The following RP1 variants were observed in gnomAD, a reference collection of about 807,000 sequenced individuals.
RP1 encodes the protein RP1 axonemal microtubule associated, also known as oxygen-regulated protein 1.
In RP1, 16 loss-of-function variants were observed where a neutral mutation model predicts 14.8. That is an observed-to-expected ratio of 1.08 (90% CI 0.73 to 1.65). The LOEUF is 1.65. Ranked by LOEUF, RP1 falls within the 40% of genes most tolerant of loss-of-function variation. The pLI, the probability that RP1 is intolerant of heterozygous loss-of-function variation, is 0.00. For synonymous variants in RP1, 876 were observed against 883.6 expected, an observed-to-expected ratio of 0.99 and a Z score of 0.15; for missense variants, 2,631 against 2,535.0, an observed-to-expected ratio of 1.04 and a Z score of -0.81.
At chr8:54,751,657 C>T (rs1457884761) in intron 19 of RP1, among the ~76,000 whole-genome samples, 1 of 152,192 alleles carries the variant, frequency 6.6e-6, no homozygotes, top group Non-Finnish European at 1.5e-5. Context: ...ATGTTTGTTT[C>T]ACTTGCCACA....
intron 14 of RP1, among the ~76,000 whole-genome samples, chr8:54,703,630 C>T (rs1033989256): frequency 6.6e-6 from 1 of 152,170 alleles, no homozygotes; most frequent in Non-Finnish European, 1.5e-5. Flanking sequence ...ACAAGAGAGT[C>T]AACTTATCCT....
At chr8:54,672,690 C>G (rs446153) in intron 7 of RP1, among the ~76,000 whole-genome samples, 33,503 of 151,956 alleles carry the variant, frequency 0.22, 4,271 homozygotes, top group East Asian at 0.42. Flanking sequence ...AATGTAGAAG[C>G]CAAATACATT....
chr8:54,870,322 T>C (rs1308205033), exon 29 of RP1: 1 of 163,548 alleles, frequency 6.1e-6, no homozygotes. Flanking sequence ...TAAGTATTCT[T>C]TGTAGAAAAT....
At chr8:54,639,408 C>A (rs1461657847) in intron 3 of RP1, among the ~76,000 whole-genome samples, 2 of 152,108 alleles carry the variant, frequency 1.3e-5, no homozygotes, top group African/African-American at 4.8e-5. Context: ...GCAGGACATA[C>A]TTTTTTATCT....
chr8:54,571,999 A>G (rs1043519295), intron 1 of RP1, among the ~76,000 whole-genome samples: 1 of 152,222 alleles, frequency 6.6e-6, no homozygotes, highest in Non-Finnish European at 1.5e-5. Flanking sequence ...ACTGGGGGGA[A>G]GGACTTCAAT....
intron 1 of RP1, among the ~76,000 whole-genome samples, chr8:54,600,408 T>C (rs1805247931): frequency 6.6e-6 from 1 of 152,188 alleles, no homozygotes; most frequent in Non-Finnish European, 1.5e-5. Context: ...AATACAGGCT[T>C]CCTTTGTGGT....
chr8:54,829,350 T>C (rs1313133827), intron 24 of RP1, among the ~76,000 whole-genome samples: 1 of 152,148 alleles, frequency 6.6e-6, no homozygotes, highest in Non-Finnish European at 1.5e-5. Context: ...CATGGGAACT[T>C]TGGGAAATAG....
At chr8:54,682,766 A>T (rs773695575) in intron 12 of RP1, among the ~76,000 whole-genome samples, 2 of 151,924 alleles carry the variant, frequency 1.3e-5, no homozygotes, top group Non-Finnish European at 2.9e-5. Context: ...CACGCTGATG[A>T]TAGTTTCTTT....
chr8:54,738,139 A>G (rs1038775637), intron 18 of RP1, among the ~76,000 whole-genome samples: 1 of 152,222 alleles, frequency 6.6e-6, no homozygotes, highest in Non-Finnish European at 1.5e-5. Context: ...GGACTTGCAC[A>G]TTGTTTATTG....
chr8:54,764,185 TA>T (rs532130161), intron 22 of RP1, among the ~76,000 whole-genome samples: 1 of 152,192 alleles, frequency 6.6e-6, no homozygotes, highest in Non-Finnish European at 1.5e-5. Context: ...CAAGGCAAAC[TA>T]AAGGCCTTCT....
At chr8:54,608,128 G>T (rs553522856) in intron 1 of RP1, among the ~76,000 whole-genome samples, 1 of 151,250 alleles carries the variant, frequency 6.6e-6, no homozygotes, top group Admixed American at 6.6e-5. Context: ...CCCATCTTCT[G>T]TGTTGCTCAC....
chr8:54,569,740 A>T (rs77711897), intron 1 of RP1, among the ~76,000 whole-genome samples: 1 of 152,232 alleles, frequency 6.6e-6, no homozygotes, highest in African/African-American at 2.4e-5. Flanking sequence ...TATGGCAGTG[A>T]ACAAAAGGGA....
At position 54,621,359 on chromosome 8, in the gene RP1, GGC is replaced by G; in HGVS notation, c.394_395del (p.Ala132HisfsTer2). ...GCCCGCGGCCCTGGCTCAGCAGCCG[GGC>G]CATTAGCGCGCACTCACCGCCCCAC... ...RRPRPWLSSR[A>X]ISAHSPPHPV... On this transcript the variant is annotated frameshift_variant, in exon 2 of 4. Transcript: ENST00000220676. LOFTEE classifies it high-confidence loss of function. The G allele has an allele frequency of 6.2e-7, 1 of 1,612,004 alleles. No individual in the cohort carries two copies. Among genetic ancestry groups the G allele is most frequent in the Non-Finnish European group, 8.5e-7 (1 of 1,179,232 alleles).
intron 18 of RP1, among the ~76,000 whole-genome samples, chr8:54,736,629 T>C (rs1487968466): frequency 1.3e-5 from 2 of 152,174 alleles, no homozygotes. Flanking sequence ...TCTACTGGCC[T>C]CTGTCATTTA....
chr8:54,870,163 A>T, exon 29 of RP1: 1 of 360,518 alleles, frequency 2.8e-6, no homozygotes, highest in Non-Finnish European at 4.9e-6. Context: ...TGGGGTACCC[A>T]TACTGCTGCT....
chr8:54,840,245 A>T (rs911571980), intron 25 of RP1, among the ~76,000 whole-genome samples: 5 of 152,046 alleles, frequency 3.3e-5, no homozygotes, highest in Admixed American at 1.3e-4. Context: ...TATTTTTTTA[A>T]TGGCTGCATT....
chr8:54,732,192 T>G (rs909293244), intron 17 of RP1, among the ~76,000 whole-genome samples: 6 of 152,224 alleles, frequency 3.9e-5, no homozygotes, highest in South Asian at 2.1e-4. Context: ...TAGAATGCTC[T>G]TCCTGTCTTT....
chr8:54,751,940 C>CT (rs903835724), intron 19 of RP1, among the ~76,000 whole-genome samples: 53 of 152,250 alleles, frequency 3.5e-4, no homozygotes, highest in African/African-American at 9.6e-4. Context: ...GTGAGGCTCT[C>CT]TTATCAGTGG....
chr8:54,668,071 T>A (rs1382400546), intron 7 of RP1, among the ~76,000 whole-genome samples: 1 of 152,074 alleles, frequency 6.6e-6, no homozygotes, highest in Non-Finnish European at 1.5e-5. Context: ...CTGATGAACA[T>A]CAATGCAAAA....
Sources: allele counts gnomAD v4.1 joint callset (sites outside exome capture counted in the v4.1 genomes callset), GRCh38; gene constraint gnomAD v4.1.1; transcripts MANE v1.5; gene names NCBI Gene and HGNC (gene_info 2026-07-23, HGNC 2026-07-21).